SCAF1: variants seen among roughly 807,000 people sequenced by gnomAD.
SCAF1 encodes splicing factor, arginine/serine-rich 19.
A neutral mutation model predicts 91.2 loss-of-function variants in SCAF1; 28 were observed. The observed-to-expected ratio is 0.31, with a 90% CI of 0.23 to 0.42. The LOEUF (loss-of-function observed/expected upper bound fraction) is 0.42. Ranked by LOEUF, SCAF1 falls within the 10% of genes least tolerant of loss-of-function variation. SCAF1 has a pLI of 1.00. For synonymous variants in SCAF1, 1,036 were observed against 833.7 expected, an observed-to-expected ratio of 1.24 and a Z score of -4.18; for missense variants, 1,893 against 1,872.1, an observed-to-expected ratio of 1.01 and a Z score of -0.21.
In SCAF1 at chr19:49,645,492, GAA is replaced by G. The variant is rs1355682894; in HGVS notation, c.166+82_166+83del. 6 of 1,464,184 alleles carry G rather than the reference GAA, an allele frequency of 4.1e-6. No homozygotes were observed. The highest frequency in any genetic ancestry group is 4.1e-5 in the Admixed American group (2 of 48,262). The allele number at this position is 1,464,184 out of a possible 1,614,324, so 90.7% of individuals were successfully genotyped here. ...TAATGTCATTCATACAAGCTTTTCT[GAA>G]GCCTCCTGGGTGCCACCCTTGTGCT... On this transcript the variant is annotated intron_variant, in intron 3 of 10. Transcript: ENST00000360565. This position sits in a 1 kb window ranked among gnomAD's most constrained non-coding sequence, Gnocchi z 4.6.
chr19:49,654,276 C>T, intron 7 of SCAF1, 73 bp from the exon 8 acceptor site: 4 of 1,284,716 alleles, frequency 3.1e-6, no homozygotes, highest in Non-Finnish European at 4.5e-6. Flanking sequence ...CAGCAGGTGT[C>T]CAGGTGAGGT....
intron 6 of SCAF1, among the ~76,000 whole-genome samples, chr19:49,649,945 C>A (rs1354851734): frequency 1.3e-5 from 2 of 152,212 alleles, no homozygotes; most frequent in African/African-American, 4.8e-5. Flanking sequence ...CTTGACCCCT[C>A]TCCTTCCCTG....
At chr19:49,640,654 T>C (rs539766656), upstream of SCAF1, among the ~76,000 whole-genome samples, 1 of 152,076 alleles carries the variant, frequency 6.6e-6, no homozygotes, top group South Asian at 2.1e-4. Flanking sequence ...GCGTCTGGGT[T>C]AGAAGCTAGA....
Position 49,646,122 on chromosome 19 carries a change from C to T in SCAF1, c.181C>T (p.His61Tyr), listed in dbSNP as rs1461226673. ...LPNDKDGSRC[H>Y]GLRWRRCRSP... Reference sequence around the variant, plus strand: ...TCTCTCACCAGATGGCTCTCGGTGTCATGGCCTTCGATGGCGGCGCTGCCG... The same window carrying T: ...TCTCTCACCAGATGGCTCTCGGTGTTATGGCCTTCGATGGCGGCGCTGCCG... Residue 61 changes from histidine (H) to tyrosine (Y), a missense_variant, in exon 4 of 11, where the codon CAT becomes TAT. Physicochemically the swap from His to Tyr is moderately conservative, Grantham distance 83. This residue lies in a region of SCAF1 where 270 missense variants were observed against 292.5 expected (regional missense o/e 0.92). Coordinates refer to ENST00000360565, the MANE Select transcript of SCAF1 (RefSeq NM_021228.3). This position sits in a 1 kb window ranked among gnomAD's most constrained non-coding sequence, Gnocchi z 5.6. The T allele has an allele frequency of 6.2e-7, 1 of 1,612,068 alleles. No individual in the cohort carries two copies. The highest frequency in any genetic ancestry group is 8.5e-7 in the Non-Finnish European group (1 of 1,179,950).
chr19:49,646,856 G>A lies in SCAF1; in HGVS notation c.478+26G>A. ...GTATGTGGGGCCAGGGCGGAGCTGGGCAGGTGGTCGTGGAGTTGTGTGGGG... is the reference window on the plus strand; with the variant it reads ...GTATGTGGGGCCAGGGCGGAGCTGGACAGGTGGTCGTGGAGTTGTGTGGGG... On this transcript the variant is annotated intron_variant, in intron 6 of 10. Coordinates refer to ENST00000360565, the MANE Select transcript of SCAF1 (RefSeq NM_021228.3). The surrounding 1 kb of genome is among the most constrained non-coding windows in gnomAD (Gnocchi z 5.6). 1 of 1,571,512 alleles carries A rather than the reference G, an allele frequency of 6.4e-7. No individual in the cohort carries two copies. Among genetic ancestry groups the A allele is most frequent in the Non-Finnish European group, 8.7e-7 (1 of 1,153,192 alleles).
At chr19:49,656,872 T>C (rs920132418) in intron 9 of SCAF1, among the ~76,000 whole-genome samples, 3 of 152,074 alleles carry the variant, frequency 2.0e-5, no homozygotes. Flanking sequence ...GCCACAAAGG[T>C]GGCCAGGCAC....
chr19:49,643,804 A>G (rs907459677), intron 1 of SCAF1, among the ~76,000 whole-genome samples: 1 of 152,160 alleles, frequency 6.6e-6, no homozygotes, highest in African/African-American at 2.4e-5. Context: ...CTGGGATGTA[A>G]TAGACTATCA....
Position 49,654,835 on chromosome 19 carries a change from A to G in SCAF1, c.3583A>G (p.Ser1195Gly), listed in dbSNP as rs1196307044. 1 of 1,610,140 alleles carries G rather than the reference A, an allele frequency of 6.2e-7. No homozygotes were observed. Among genetic ancestry groups the G allele is most frequent in the Non-Finnish European group, 8.5e-7 (1 of 1,177,628 alleles). Residue 1195 changes from serine (S) to glycine (G), a missense_variant, in exon 9 of 11, where the codon AGC (serine) becomes GGC (glycine). Coordinates refer to ENST00000360565, the MANE Select transcript of SCAF1 (RefSeq NM_021228.3). ...LAATSDKREG[S>G]SSSEGRGDTD... ...TGCCACGTCTGACAAGAGAGAGGGC[A>G]GCAGCAGCTCTGAGGGCCGTGGGGA...
Position 49,652,338 on chromosome 19 carries a change from G to C in SCAF1, c.1949G>C (p.Arg650Pro). 6.5e-7 allele frequency: 1 copy of C among 1,536,332 alleles called. No homozygotes were observed. Among genetic ancestry groups the C allele is most frequent in the Non-Finnish European group, 8.7e-7 (1 of 1,143,438 alleles). ...AAGAAGAAGAAGCGGTCGCGGTCCC[G>C]GGGTGAGAAGCGGTCTGGGGATGGC... ...SKKKKKRSRSRGEKRSGDGSE... is the reference protein window; with the variant it reads ...SKKKKKRSRSPGEKRSGDGSE... The change falls in exon 7 of 11, where the codon CGG (arginine) becomes CCG (proline). Residue 650 changes from arginine to proline, a missense_variant. Arg to Pro is a moderately radical substitution (Grantham distance 103). Transcript: ENST00000360565.
intron 9 of SCAF1, among the ~76,000 whole-genome samples, chr19:49,656,716 C>T (rs1478924145): frequency 6.6e-6 from 1 of 152,210 alleles, no homozygotes; most frequent in Non-Finnish European, 1.5e-5. Flanking sequence ...CTGTTGCGTC[C>T]TCCCCTTTTC....
In SCAF1 at chr19:49,642,517, C is replaced by G. The variant is rs1158960945; in HGVS notation, c.-7+275C>G. On this transcript the variant is annotated intron_variant, in intron 1 of 10. Transcript: ENST00000360565. This position sits in a 1 kb window ranked among gnomAD's most constrained non-coding sequence, Gnocchi z 4.0. ...CTCTGGGCCTAGACCGAGCCTAAGG[C>G]CTGCCCTCCATCACACAGCTGGCCT... is the stretch of plus-strand genomic sequence containing the variant. The G allele has an allele frequency of 2.0e-5, 3 of 152,182 alleles. No homozygotes were observed. Among genetic ancestry groups the G allele is most frequent in the African/African-American group, 7.2e-5 (3 of 41,402 alleles). The allele number at this position is 152,182 out of a possible 1,614,324, so 9.4% of individuals were successfully genotyped here.
At position 49,654,342 on chromosome 19, in the gene SCAF1, C is replaced by T. The variant is rs1168240261; in HGVS notation, c.3317-7C>T. 6.2e-7 allele frequency: 1 copy of T among 1,612,952 alleles called. No homozygotes were observed. Among genetic ancestry groups the T allele is most frequent in the African/African-American group, 1.3e-5 (1 of 74,928 alleles). On this transcript the variant is annotated splice_region_variant and splice_polypyrimidine_tract_variant and intron_variant, in intron 7 of 10. Transcript: ENST00000360565. ...TCTTCATGTTGTCACCTCTCTGCCT[C>T]CTGCAGTGACTGCACTTCTCTTCAA... is the stretch of plus-strand genomic sequence containing the variant.
intron 1 of SCAF1, among the ~76,000 whole-genome samples, chr19:49,644,475 TATAAATACAATTTGGGGGTGGTCCTCACC>T: frequency 6.6e-6 from 1 of 152,332 alleles, no homozygotes; most frequent in Middle Eastern, 3.4e-3. Context: ...AACTTAGGTG[TATAAATACAATTTGGGGGTGGTCCTCACC>T]ATCGAGGACA....
chr19:49,654,475 C>G, intron 8 of SCAF1, 44 bp downstream of exon 8: 1 of 1,578,118 alleles, frequency 6.3e-7, no homozygotes, highest in South Asian at 1.1e-5. Flanking sequence ...CTTCTTTTGT[C>G]CATTGCCTCG....
At position 49,652,727 on chromosome 19, in the gene SCAF1, CGGGACAGGGACAGAGATA is replaced by C. The variant is rs1442561622; in HGVS notation, c.2352_2369del (p.Asp785_Arg790del). The stretch of plus-strand genomic sequence containing the variant: ...GGCGCTGGACGGGGGTGACCGGGAT[CGGGACAGGGACAGAGATA>C]GGGACAGGGACAGGTCATCCAAGAA... On this transcript the variant is annotated inframe_deletion, in exon 7 of 11. Coordinates refer to ENST00000360565, the MANE Select transcript of SCAF1 (RefSeq NM_021228.3). 8.1e-6 allele frequency: 13 copies of C among 1,599,168 alleles called. No individual in the cohort carries two copies. Among genetic ancestry groups the C allele is most frequent in the African/African-American group, 4.0e-5 (3 of 74,560 alleles).
chr19:49,645,337 C>T lies in SCAF1; in HGVS notation c.109-17C>T, dbSNP rs767235143. 6.2e-7 allele frequency: 1 copy of T among 1,613,750 alleles called. No individual in the cohort carries two copies. The highest frequency in any genetic ancestry group is 1.1e-5 in the South Asian group (1 of 91,074). The stretch of plus-strand genomic sequence containing the variant: ...TGCCTGGGTCCTCTGACGCTTGGTT[C>T]TTCCCCCCTTCCCCAGCGAGCCATC... On this transcript the variant is annotated splice_polypyrimidine_tract_variant and intron_variant, in intron 2 of 10. Transcript: ENST00000360565. The surrounding 1 kb of genome is among the most constrained non-coding windows in gnomAD (Gnocchi z 4.6).
chr19:49,656,225 C>T (rs1395703485), intron 9 of SCAF1, among the ~76,000 whole-genome samples: 13 of 152,322 alleles, frequency 8.5e-5, no homozygotes, highest in Middle Eastern at 3.4e-3. Context: ...CCCTTTGCCC[C>T]GCTTTGCCCA....
intron 9 of SCAF1, among the ~76,000 whole-genome samples, chr19:49,656,733 T>C (rs1417039530): frequency 6.6e-6 from 1 of 152,160 alleles, no homozygotes; most frequent in East Asian, 1.9e-4. Context: ...TTTCATCCCA[T>C]GGCCATCCCC....
intron 1 of SCAF1, among the ~76,000 whole-genome samples, chr19:49,643,005 G>A: frequency 6.6e-6 from 1 of 152,236 alleles, no homozygotes; most frequent in Non-Finnish European, 1.5e-5. Flanking sequence ...CAGGAATGCA[G>A]TTTTGATGCC....
Sources: gnomAD v4.1 joint callset for allele counts (sites outside exome capture counted in the v4.1 genomes callset) on GRCh38, gnomAD v4.1.1 for gene constraint, gnomAD v4.1.1 regional missense constraint, Gnocchi (gnomAD v3.1) non-coding constraint, MANE v1.5 for transcripts, NCBI Gene and HGNC (gene_info 2026-07-23, HGNC 2026-07-21) for gene names.